The following RND2 variants were observed in gnomAD, a reference collection of about 807,000 sequenced individuals.
RND2 encodes rho-related GTP-binding protein RhoN.
A neutral mutation model predicts 25.9 loss-of-function variants in RND2; 16 were observed. That is an observed-to-expected ratio of 0.62 (90% CI 0.42 to 0.94). The LOEUF (loss-of-function observed/expected upper bound fraction) is 0.94. RND2 is among the 40% of genes least tolerant of loss of function. The pLI, the probability that RND2 is intolerant of heterozygous loss-of-function variation, is 0.00. For missense variants in RND2, 276 were observed against 305.5 expected, an observed-to-expected ratio of 0.90 and a Z score of 0.72; for synonymous variants, 97 against 118.1, an observed-to-expected ratio of 0.82 and a Z score of 1.16.
In RND2 at chr17:43,025,315, G is replaced by A. The variant is rs1481320490; in HGVS notation, c.-33G>A. On this transcript the variant is annotated 5_prime_UTR_variant, in exon 1 of 5. Coordinates refer to ENST00000587250, the MANE Select transcript of RND2 (RefSeq NM_005440.5). Reference sequence around the variant, plus strand: ...AGGCGGCGGCGGGGCCCGGGAGAGGGGTGGCGTGGGGGACCGGCGCGTAGC... The same window carrying A: ...AGGCGGCGGCGGGGCCCGGGAGAGGAGTGGCGTGGGGGACCGGCGCGTAGC... The A allele has an allele frequency of 6.6e-7, 1 of 1,509,696 alleles. No individual in the cohort carries two copies. Among genetic ancestry groups the A allele is most frequent in the Non-Finnish European group, 8.9e-7 (1 of 1,128,604 alleles). The allele number at this position is 1,509,696 out of a possible 1,614,324, so 93.5% of individuals were successfully genotyped here. A position where few individuals can be genotyped will look rare whatever the true frequency, so the allele number is the denominator to read the frequency against.
In RND2 at chr17:43,030,415, G is replaced by A. The variant is rs1378834851; in HGVS notation, c.*1735G>A. 1 of 152,704 alleles carries A rather than the reference G, an allele frequency of 6.5e-6. No individual in the cohort carries two copies. Among genetic ancestry groups the A allele is most frequent in the East Asian group, 1.9e-4 (1 of 5,192 alleles). 9.5% of individuals were successfully genotyped at this position (152,704 alleles called of 1,614,324 possible). ...CCTCATTCATTCATTCAGCAAGTAT[G>A]TACTGAACACCAACTGTGTGGCATA... On this transcript the variant is annotated 3_prime_UTR_variant, in exon 5 of 5. Transcript: ENST00000587250.
At chr17:43,027,490 C>T (rs1419122486) in intron 3 of RND2, among the ~76,000 whole-genome samples, 198 bp downstream of exon 3, 1 of 152,194 alleles carries the variant, frequency 6.6e-6, no homozygotes, top group African/African-American at 2.4e-5. Flanking sequence ...GTCCTCAGAG[C>T]TGGATACAGC....
At position 43,028,563 on chromosome 17, in the gene RND2, G is replaced by A; in HGVS notation, c.567G>A (p.Leu189=). Residue 189 remains leucine (L), a synonymous_variant, in exon 5 of 5, where the codon CTG becomes CTA. Coordinates refer to ENST00000587250, the MANE Select transcript of RND2 (RefSeq NM_005440.5). The stretch of plus-strand genomic sequence containing the variant: ...CCCTTGGCCGTGGCCATAGGCAGCT[G>A]CGCCGAACTGACTCACGCCGGGGAA... ...VASLGRGHRQ[L]RRTDSRRGMQ... The A allele has an allele frequency of 6.2e-7, 1 of 1,614,186 alleles. No homozygotes were observed. Among genetic ancestry groups the A allele is most frequent in the Non-Finnish European group, 8.5e-7 (1 of 1,180,052 alleles).
rs2050666794 is a variant in RND2 at position 43,030,789 on chromosome 17, C to G, written c.*2109C>G. ...TACACTGAGGCTACTGCAGGGTCCA[C>G]AGAGGAATCAGAATTTCATTCTGAG... On this transcript the variant is annotated 3_prime_UTR_variant, in exon 5 of 5. Coordinates refer to ENST00000587250, the MANE Select transcript of RND2 (RefSeq NM_005440.5). 6.6e-6 allele frequency: 1 copy of G among 152,164 alleles called. No homozygotes were observed. Among genetic ancestry groups the G allele is most frequent in the African/African-American group, 2.4e-5 (1 of 41,406 alleles). 9.4% of individuals were successfully genotyped at this position (152,164 alleles called of 1,614,324 possible).
intron 1 of RND2, 61 bp downstream of exon 1, chr17:43,025,510 C>A: frequency 6.6e-7 from 1 of 1,518,994 alleles, no homozygotes; most frequent in Non-Finnish European, 8.9e-7. Context: ...GTGACAGGGG[C>A]CCTGGCGACG....
intron 2 of RND2, 22 bp from the exon 3 acceptor site, chr17:43,027,161 C>G (rs1186606562): frequency 6.5e-7 from 1 of 1,535,948 alleles, no homozygotes; most frequent in East Asian, 2.3e-5. Flanking sequence ...ACTCAGGCCC[C>G]TCATGCCCTG....
chr17:43,025,309 G>A lies in RND2; in HGVS notation c.-39G>A, dbSNP rs1441587960. 1 of 1,490,602 alleles carries A rather than the reference G, an allele frequency of 6.7e-7. No individual in the cohort carries two copies. Among genetic ancestry groups the A allele is most frequent in the South Asian group, 1.3e-5 (1 of 79,292 alleles). The allele number at this position is 1,490,602 out of a possible 1,614,324, so 92.3% of individuals were successfully genotyped here. A position where few individuals can be genotyped will look rare whatever the true frequency, so the allele number is the denominator to read the frequency against. On this transcript the variant is annotated 5_prime_UTR_variant, in exon 1 of 5. Transcript: ENST00000587250. ...CGGGGGAGGCGGCGGCGGGGCCCGG[G>A]AGAGGGGTGGCGTGGGGGACCGGCG...
Position 43,025,418 on chromosome 17 carries a change from T to C in RND2, c.71T>C (p.Leu24Pro). The C allele has an allele frequency of 6.5e-7, 1 of 1,543,394 alleles. No individual in the cohort carries two copies. The highest frequency in any genetic ancestry group is 8.7e-7 in the Non-Finnish European group (1 of 1,145,772). Residue 24 changes from leucine to proline, a missense_variant, in exon 1 of 5, where the codon CTG (leucine) becomes CCG (proline). By Grantham distance (98) the Leu-to-Pro change is moderately conservative (BLOSUM62 -3). Coordinates refer to ENST00000587250, the MANE Select transcript of RND2 (RefSeq NM_005440.5). ...GCAGAGTGCGGCAAGACGGCGCTGCTGCAGGTGTTCGCCAAGGACGCCTAT... is the reference window on the plus strand; with the variant it reads ...GCAGAGTGCGGCAAGACGGCGCTGCCGCAGGTGTTCGCCAAGGACGCCTAT... The part of the protein sequence containing the change: ...GDAECGKTAL[L>P]QVFAKDAYPG...
At position 43,031,821 on chromosome 17, in the gene RND2, C is replaced by T. The variant is rs1285262220; in HGVS notation, c.*3141C>T. The stretch of plus-strand genomic sequence containing the variant: ...TATTTCTGGGGAGGAGGGCTCTGGG[C>T]TGAGGAGCTCAGTGGGTGGGAGGAG... On this transcript the variant is annotated 3_prime_UTR_variant, in exon 5 of 5. Coordinates refer to ENST00000587250, the MANE Select transcript of RND2 (RefSeq NM_005440.5). 6.6e-6 allele frequency: 1 copy of T among 152,058 alleles called. No homozygotes were observed. The highest frequency in any genetic ancestry group is 6.6e-5 in the Admixed American group (1 of 15,244). The allele number at this position is 152,058 out of a possible 1,614,324, so 9.4% of individuals were successfully genotyped here.
rs1171191254 is a variant in RND2, at chr17:43,030,096, G to A, written c.*1416G>A. 6.6e-6 allele frequency: 1 copy of A among 152,268 alleles called. No individual in the cohort carries two copies. The highest frequency in any genetic ancestry group is 2.4e-5 in the African/African-American group (1 of 41,348). The allele number at this position is 152,268 out of a possible 1,614,324, so 9.4% of individuals were successfully genotyped here. ...GCTTTCAGGGGAGCATCAGCTGTTA[G>A]AGTCACCCCTACCCTGTCCCTTAAA... is the stretch of plus-strand genomic sequence containing the variant. On this transcript the variant is annotated 3_prime_UTR_variant, in exon 5 of 5. Transcript: ENST00000587250.
At chr17:43,025,476 GA>G (rs748204747) in intron 1 of RND2, 27 bp downstream of exon 1, 69 of 1,511,226 alleles carry the variant, frequency 4.6e-5, no homozygotes, top group Non-Finnish European at 6.1e-5. Context: ...TTGGGAGGGG[GA>G]CGCTAAGGCT....
At position 43,031,453 on chromosome 17, in the gene RND2, C is replaced by T. The variant is rs2050671315; in HGVS notation, c.*2773C>T. On this transcript the variant is annotated 3_prime_UTR_variant, in exon 5 of 5. Transcript: ENST00000587250. ...CAGCTAGGTGGATCTCCATCTGTCT[C>T]TGAGGACTGACCCTTTCCCCACAAG... 6.6e-6 allele frequency: 1 copy of T among 152,218 alleles called. No individual in the cohort carries two copies. The highest frequency in any genetic ancestry group is 1.5e-5 in the Non-Finnish European group (1 of 68,044). 9.4% of individuals were successfully genotyped at this position (152,218 alleles called of 1,614,324 possible). A position where few individuals can be genotyped will look rare whatever the true frequency, so the allele number is the denominator to read the frequency against.
At chr17:43,026,609 G>A (rs1368807557) in intron 2 of RND2, among the ~76,000 whole-genome samples, 1 of 152,150 alleles carries the variant, frequency 6.6e-6, no homozygotes, top group Non-Finnish European at 1.5e-5. Context: ...AGATCATGCC[G>A]CTGCACTCCA....
chr17:43,027,197 G>T lies in RND2; in HGVS notation c.205G>T (p.Asp69Tyr). 1 of 1,605,954 alleles carries T rather than the reference G, an allele frequency of 6.2e-7. No individual in the cohort carries two copies. Among genetic ancestry groups the T allele is most frequent in the Middle Eastern group, 1.7e-4 (1 of 6,020 alleles). The change falls in exon 3 of 5, where the codon GAT (aspartate) becomes TAT (tyrosine). Residue 69 changes from aspartate (D) to tyrosine (Y), a missense_variant. Physicochemically the swap from Asp to Tyr is radical, Grantham distance 160. Transcript: ENST00000587250. ...MWDTSGSSYY[D>Y]NVRPLAYPDS... is the part of the protein sequence containing the mutation. ...TCTTCCTTCAGGTTCCTCTTACTAT[G>T]ATAATGTCCGGCCTCTGGCCTATCC...
chr17:43,026,134 C>A, intron 2 of RND2, 87 bp downstream of exon 2: 1 of 821,860 alleles, frequency 1.2e-6, no homozygotes, highest in Non-Finnish European at 2.0e-6. Flanking sequence ...TCCAGGTAAG[C>A]CCAGCCCATC....
rs759647649 is a variant in RND2, at chr17:43,028,638, C to A, written c.642C>A (p.Gly214=). Residue 214 remains glycine, a synonymous_variant, in exon 5 of 5, where the codon GGC becomes GGA. Transcript: ENST00000587250. The part of the protein sequence containing the change: ...LSGRPDRGNE[G]EIHKDRAKSC... ...GACGGCCAGACCGGGGGAATGAGGG[C>A]GAGATACACAAGGATCGAGCCAAAA... 1.9e-6 allele frequency: 3 copies of A among 1,604,756 alleles called. No homozygotes were observed. Among genetic ancestry groups the A allele is most frequent in the African/African-American group, 2.7e-5 (2 of 74,718 alleles).
At chr17:43,028,265 G>A in intron 4 of RND2, 70 bp downstream of exon 4, 2 of 1,604,638 alleles carry the variant, frequency 1.2e-6, no homozygotes, top group East Asian at 2.2e-5. Context: ...TCTCTGATTT[G>A]AAAACACCTT....
At position 43,030,974 on chromosome 17, in the gene RND2, A is replaced by T. The variant is rs2050668004; in HGVS notation, c.*2294A>T. The T allele has an allele frequency of 6.6e-6, 1 of 152,058 alleles. No individual in the cohort carries two copies. The highest frequency in any genetic ancestry group is 2.4e-5 in the African/African-American group (1 of 41,388). The allele number at this position is 152,058 out of a possible 1,614,324, so 9.4% of individuals were successfully genotyped here. On this transcript the variant is annotated 3_prime_UTR_variant, in exon 5 of 5. Coordinates refer to ENST00000587250, the MANE Select transcript of RND2 (RefSeq NM_005440.5). ...TCATTTAAAATAATAGCTTCTCGGC[A>T]GTGGCTCACACCTATAATCCCAGCC... is the stretch of plus-strand genomic sequence containing the variant.
chr17:43,029,162 C>G lies in RND2; in HGVS notation c.*482C>G, dbSNP rs2050650741. On this transcript the variant is annotated 3_prime_UTR_variant, in exon 5 of 5. Transcript: ENST00000587250. ...GCAAGGAGAAGCCCTTGCCCCCCATCAGTCCACCAGCCCTAGAACCTCCCT... is the reference window on the plus strand; with the variant it reads ...GCAAGGAGAAGCCCTTGCCCCCCATGAGTCCACCAGCCCTAGAACCTCCCT... 1 of 160,450 alleles carries G rather than the reference C, an allele frequency of 6.2e-6. No homozygotes were observed. The highest frequency in any genetic ancestry group is 1.4e-5 in the Non-Finnish European group (1 of 72,500). The allele number at this position is 160,450 out of a possible 1,614,324, so 9.9% of individuals were successfully genotyped here.
Sources: gnomAD v4.1 joint callset for allele counts (sites outside exome capture counted in the v4.1 genomes callset) on GRCh38, gnomAD v4.1.1 for gene constraint, MANE v1.5 for transcripts, NCBI Gene and HGNC (gene_info 2026-07-23, HGNC 2026-07-21) for gene names.